Variants in ABCA13 observed in about 807,000 individuals in gnomAD.
ABCA13 encodes the protein ATP binding cassette subfamily A member 13.
Under a neutral mutation model 478.7 loss-of-function variants are expected in ABCA13, and 476 were observed. The observed-to-expected ratio is 0.99, with a 90% CI of 0.92 to 1.07. ABCA13 has a LOEUF of 1.07. Among genes scored for constraint, ABCA13 ranks in the 50% least tolerant of loss-of-function variants. The pLI, the probability that ABCA13 is intolerant of heterozygous loss-of-function variation, is 0.00. For synonymous variants in ABCA13, 2,252 were observed against 2,158.9 expected, an observed-to-expected ratio of 1.04 and a Z score of -1.20; for missense variants, 6,060 against 5,910.6, an observed-to-expected ratio of 1.03 and a Z score of -0.83.
intron 59 of ABCA13, among the ~76,000 whole-genome samples, chr7:48,634,848 A>G (rs1794495766): frequency 6.6e-6 from 1 of 152,108 alleles, no homozygotes; most frequent in Admixed American, 6.5e-5. Flanking sequence ...ATTCATCTCA[A>G]AGTATTTTAT....
At chr7:48,323,135 A>G (rs972225988) in intron 27 of ABCA13, among the ~76,000 whole-genome samples, 1 of 152,168 alleles carries the variant, frequency 6.6e-6, no homozygotes, top group Non-Finnish European at 1.5e-5. Flanking sequence ...GGCGATTATC[A>G]GTGGAGCTCT....
intron 20 of ABCA13, among the ~76,000 whole-genome samples, chr7:48,293,632 T>A (rs1798900262): frequency 6.6e-6 from 1 of 152,198 alleles, no homozygotes; most frequent in African/African-American, 2.4e-5. Flanking sequence ...TAGACATAGA[T>A]GTTATATGTT....
intron 42 of ABCA13, among the ~76,000 whole-genome samples, chr7:48,435,171 C>T (rs1822666641): frequency 6.6e-6 from 1 of 151,338 alleles, no homozygotes. Context: ...GTGTCTTTTT[C>T]ATTTTCTTCA....
At chr7:48,502,171 C>T (rs995873664) in intron 48 of ABCA13, among the ~76,000 whole-genome samples, 2 of 152,142 alleles carry the variant, frequency 1.3e-5, no homozygotes, top group African/African-American at 4.8e-5. Context: ...AGGAGAGGGT[C>T]TGGCACGTTG....
rs2128774733 is a variant in ABCA13, at chr7:48,279,548, T to C, written c.8354T>C (p.Ile2785Thr). 1 of 1,613,548 alleles carries C rather than the reference T, an allele frequency of 6.2e-7. No individual in the cohort carries two copies. The highest frequency in any genetic ancestry group is 2.2e-5 in the East Asian group (1 of 44,790). Residue 2785 changes from isoleucine (I) to threonine (T), a missense_variant, in exon 18 of 62, where the codon ATT becomes ACT. Physicochemically the swap from Ile to Thr is moderately conservative, Grantham distance 89. This residue lies in a region of ABCA13 where 4,423 missense variants were observed against 4,309.1 expected (regional missense o/e 1.03). Transcript: ENST00000435803. ...IETVLEASSG[I>T]KSDYEGDLNK... Reference sequence around the variant, plus strand: ...ACAGTTTTAGAGGCCTCCAGTGGAATTAAAAGTGACTATGAAGGTGATTTG... The same window carrying C: ...ACAGTTTTAGAGGCCTCCAGTGGAACTAAAAGTGACTATGAAGGTGATTTG...
At chr7:48,577,594 G>A (rs1028054275) in intron 55 of ABCA13, among the ~76,000 whole-genome samples, 1 of 152,022 alleles carries the variant, frequency 6.6e-6, no homozygotes, top group Non-Finnish European at 1.5e-5. Flanking sequence ...AATAACTAAT[G>A]ACCATAAAAG....
intron 15 of ABCA13, among the ~76,000 whole-genome samples, chr7:48,262,792 C>T (rs536978359): frequency 6.6e-6 from 1 of 151,904 alleles, no homozygotes; most frequent in African/African-American, 2.4e-5. Context: ...TTGTTTGAAC[C>T]AGAACTTGTG....
intron 48 of ABCA13, among the ~76,000 whole-genome samples, chr7:48,505,387 A>G (rs60781163): frequency 0.017 from 2,553 of 152,306 alleles, 64 homozygotes; most frequent in African/African-American, 0.058. Flanking sequence ...GTAAGGATTT[A>G]ATGTGCTCTC....
At chr7:48,517,303 A>G (rs1349566921) in intron 52 of ABCA13, among the ~76,000 whole-genome samples, 1 of 151,982 alleles carries the variant, frequency 6.6e-6, no homozygotes, top group Admixed American at 6.6e-5. Flanking sequence ...AACACAGCTG[A>G]CCATGCTCTC....
At chr7:48,519,102 A>T (rs1832344768) in intron 52 of ABCA13, among the ~76,000 whole-genome samples, 1 of 152,106 alleles carries the variant, frequency 6.6e-6, no homozygotes, top group Non-Finnish European at 1.5e-5. Flanking sequence ...TCTGAGGATA[A>T]TGGCTTTCTT....
At chr7:48,237,625 C>G (rs970131384) in intron 8 of ABCA13, among the ~76,000 whole-genome samples, 1 of 152,214 alleles carries the variant, frequency 6.6e-6, no homozygotes, top group African/African-American at 2.4e-5. Flanking sequence ...TCCCTGGGGT[C>G]TGTCTGACTC....
Position 48,403,763 on chromosome 7 carries a change from C to G in ABCA13, c.11954C>G (p.Ser3985Cys). The G allele has an allele frequency of 6.2e-7, 1 of 1,614,002 alleles. No individual in the cohort carries two copies. The highest frequency in any genetic ancestry group is 1.1e-5 in the South Asian group (1 of 91,068). Residue 3985 changes from serine (S) to cysteine (C), a missense_variant, in exon 39 of 62, where the codon TCC becomes TGC. Physicochemically the swap from Ser to Cys is moderately radical, Grantham distance 112. This residue lies in a region of ABCA13 where 1,627 missense variants were observed against 1,571.0 expected (regional missense o/e 1.04). Coordinates refer to ENST00000435803, the MANE Select transcript of ABCA13 (RefSeq NM_152701.5). The part of the protein sequence containing the change: ...ALSGGLKRKL[S>C]LGIAFMGMSR... ...TCTGGAGGCCTGAAGAGGAAGCTCTCCCTTGGCATTGCTTTCATGGGCATG... is the reference window on the plus strand; with the variant it reads ...TCTGGAGGCCTGAAGAGGAAGCTCTGCCTTGGCATTGCTTTCATGGGCATG...
intron 10 of ABCA13, among the ~76,000 whole-genome samples, chr7:48,243,732 A>T (rs1353588665): frequency 6.6e-6 from 1 of 152,252 alleles, no homozygotes; most frequent in Non-Finnish European, 1.5e-5. Flanking sequence ...CCACTATGGC[A>T]CAGAAGTCGA....
At chr7:48,414,829 A>G (rs1202928118) in intron 41 of ABCA13, among the ~76,000 whole-genome samples, 2 of 152,106 alleles carry the variant, frequency 1.3e-5, no homozygotes, top group Admixed American at 6.5e-5. Context: ...CCAAGGAGTA[A>G]CAATCATGAT....
intron 15 of ABCA13, among the ~76,000 whole-genome samples, chr7:48,264,524 G>A (rs1477968178): frequency 1.3e-5 from 2 of 151,786 alleles, no homozygotes; most frequent in Non-Finnish European, 3.0e-5. Context: ...TCGTTTATAT[G>A]AGTAATAATT....
At chr7:48,410,973 TTTTCTC>T (rs1252490274) in intron 40 of ABCA13, among the ~76,000 whole-genome samples, 36 of 150,120 alleles carry the variant, frequency 2.4e-4, no homozygotes, top group African/African-American at 8.4e-4. Context: ...CTAGAAATTC[TTTTCTC>T]TTTCTTTCTT....
intron 22 of ABCA13, 102 bp downstream of exon 22, chr7:48,297,413 T>C (rs1264951435): frequency 8.0e-6 from 9 of 1,124,852 alleles, no homozygotes; most frequent in Non-Finnish European, 1.0e-5. Flanking sequence ...ATTTATGCTA[T>C]ATGTGATACA....
intron 47 of ABCA13, among the ~76,000 whole-genome samples, chr7:48,488,765 G>C (rs1424628645): frequency 6.6e-6 from 1 of 151,946 alleles, no homozygotes; most frequent in Non-Finnish European, 1.5e-5. Context: ...TCTCTTGACA[G>C]GCATGCTACT....
At chr7:48,643,144 C>T in intron 59 of ABCA13, 144 bp from the exon 60 acceptor site, 1 of 529,060 alleles carries the variant, frequency 1.9e-6, no homozygotes, top group Non-Finnish European at 3.4e-6. Flanking sequence ...CAATTAATTT[C>T]TGTGTCTTAT....
Sources: gnomAD v4.1 joint callset for allele counts (sites outside exome capture counted in the v4.1 genomes callset) on GRCh38, gnomAD v4.1.1 for gene constraint, gnomAD v4.1.1 regional missense constraint, MANE v1.5 for transcripts, NCBI Gene and HGNC (gene_info 2026-07-23, HGNC 2026-07-21) for gene names.